The following NRG3 variants were observed in gnomAD, a reference collection of about 807,000 sequenced individuals.
The protein encoded by NRG3 is neuregulin 3.
Under a neutral mutation model 66.9 loss-of-function variants are expected in NRG3, and 31 were observed. That is an observed-to-expected ratio of 0.46 (90% confidence interval 0.35 to 0.63). NRG3 has a LOEUF of 0.63. NRG3 is among the 20% of genes least tolerant of loss of function. The probability of loss-of-function intolerance (pLI) is 0.00; values close to 1 mark genes in which losing one functional copy is unlikely to be tolerated. For missense variants in NRG3, 910 were observed against 878.9 expected (o/e 1.04, Z -0.45); for synonymous variants, 393 against 359.4 (o/e 1.09, Z -1.06).
chr10:82,974,175 A>T (rs2132594701), intron 7 of NRG3, among the ~76,000 whole-genome samples: 1 of 152,324 alleles, frequency 6.6e-6, no homozygotes, highest in South Asian at 2.1e-4. Flanking sequence ...AGTAAAAAAA[A>T]AAAATGCATT....
intron 1 of NRG3, among the ~76,000 whole-genome samples, chr10:81,950,263 T>G (rs192129413): frequency 1.1e-4 from 16 of 152,280 alleles, no homozygotes; most frequent in African/African-American, 3.8e-4. Flanking sequence ...TTGGTCTCAA[T>G]TTAGTCAAAC....
At position 82,589,671 on chromosome 10, in the gene NRG3, G is replaced by C. The variant is rs60531445; in HGVS notation, c.954-148906G>C. ...CTTTGATTTTCCCTCCCTTTGAGGG[G>C]AGGTAAATGCATAGTTCCACAAGCT... On this transcript the variant is annotated intron_variant, in intron 2 of 8. Coordinates refer to ENST00000372141, the MANE Select transcript of NRG3 (RefSeq NM_001010848.4). 4.7e-3 allele frequency among the ~76,000 whole-genome samples: 709 copies of C among 152,234 alleles called. 10 individuals carry two copies. Among genetic ancestry groups the C allele is most frequent in the African/African-American group, 0.016 (683 of 41,546 alleles).
chr10:82,074,144 AT>A (rs1336277946), intron 1 of NRG3, among the ~76,000 whole-genome samples: 1 of 151,400 alleles, frequency 6.6e-6, no homozygotes, highest in African/African-American at 2.4e-5. Flanking sequence ...GTGCTCAGAG[AT>A]GGCCAATGTG....
intron 3 of NRG3, among the ~76,000 whole-genome samples, chr10:82,744,949 G>A (rs1310655468): frequency 6.6e-6 from 1 of 152,068 alleles, no homozygotes; most frequent in Non-Finnish European, 1.5e-5. Context: ...AGTACACAGT[G>A]TACAAGGCAC....
rs982501363 is a variant in NRG3 at position 82,035,148 on chromosome 10, A to C, written c.823+158985A>C. 3.3e-5 allele frequency among the ~76,000 whole-genome samples: 5 copies of C among 152,236 alleles called. No individual in the cohort carries two copies. The East Asian group carries it at 7.8e-4, about 24-fold the overall frequency. ...GATAGACTCGCCCAGCATGCCTTCC[A>C]GAATCCAATACAGCTTCAGAATTCC... is the stretch of plus-strand genomic sequence containing the variant. On this transcript the variant is annotated intron_variant, in intron 1 of 8. Transcript: ENST00000372141.
intron 2 of NRG3, among the ~76,000 whole-genome samples, chr10:82,425,311 T>C (rs964619696): frequency 1.3e-5 from 2 of 152,160 alleles, no homozygotes; most frequent in Non-Finnish European, 2.9e-5. Flanking sequence ...TTTCTTAATT[T>C]TTTCAACAAT....
chr10:82,364,166 T>G (rs1416653443), intron 2 of NRG3, among the ~76,000 whole-genome samples: 1 of 152,174 alleles, frequency 6.6e-6, no homozygotes, highest in Non-Finnish European at 1.5e-5. Context: ...TGTCCTTGTC[T>G]CTTTAAAATC....
chr10:82,192,426 G>A (rs769422581), intron 1 of NRG3, among the ~76,000 whole-genome samples: 2 of 152,150 alleles, frequency 1.3e-5, no homozygotes, highest in Non-Finnish European at 2.9e-5. Flanking sequence ...TGGGCATAGG[G>A]TACAGATATT....
At chr10:82,552,168 T>C (rs1169168276) in intron 2 of NRG3, among the ~76,000 whole-genome samples, 3 of 152,158 alleles carry the variant, frequency 2.0e-5, no homozygotes, top group Non-Finnish European at 4.4e-5. Flanking sequence ...AATCCATATT[T>C]TTTTTTACAT....
rs186417804 is a variant in NRG3, at chr10:82,001,246, C to T, written c.823+125083C>T. Among the ~76,000 whole-genome samples the T allele has an allele frequency of 2.2e-3, 334 of 150,590 alleles. 1 individual carries two copies. The highest frequency in any genetic ancestry group is 0.011 in the Middle Eastern group (3 of 284). ...GGCTGGTCATGGTGGCTCACGCCTG[C>T]AATCCCAGCACTTTGGGAGGCCAAG... On this transcript the variant is annotated intron_variant, in intron 1 of 8. Transcript: ENST00000372141.
intron 2 of NRG3, among the ~76,000 whole-genome samples, chr10:82,684,648 C>T (rs2054368633): frequency 6.6e-6 from 1 of 152,050 alleles, no homozygotes; most frequent in South Asian, 2.1e-4. Flanking sequence ...CAGTAAAACT[C>T]TTGAATATAT....
intron 6 of NRG3, among the ~76,000 whole-genome samples, chr10:82,962,689 A>G (rs2132477511): frequency 6.6e-6 from 1 of 152,128 alleles, no homozygotes; most frequent in African/African-American, 2.4e-5. Context: ...AAATACAGAA[A>G]TTAGCCAGGC....
intron 2 of NRG3, among the ~76,000 whole-genome samples, chr10:82,532,568 T>C (rs183207444): frequency 9.7e-4 from 144 of 147,802 alleles, no homozygotes; most frequent in African/African-American, 3.3e-3. Flanking sequence ...TAGTACTATA[T>C]ATGTATATAT....
chr10:82,236,372 C>CTGCTT (rs796938555), intron 1 of NRG3, among the ~76,000 whole-genome samples: 16 of 152,266 alleles, frequency 1.1e-4, no homozygotes, highest in African/African-American at 3.6e-4. Context: ...GAGGGAAACC[C>CTGCTT]TGCTTCTCAG....
At chr10:82,134,671 A>G (rs1045727761) in intron 1 of NRG3, among the ~76,000 whole-genome samples, 3 of 152,006 alleles carry the variant, frequency 2.0e-5, no homozygotes, top group East Asian at 1.9e-4. Flanking sequence ...GCCCTGTAGT[A>G]TAGTTTGAAG....
intron 1 of NRG3, among the ~76,000 whole-genome samples, chr10:81,986,905 C>T (rs530905892): frequency 1.3e-5 from 2 of 152,216 alleles, no homozygotes; most frequent in South Asian, 4.1e-4. Context: ...TGAACTTGAA[C>T]TCCTGAACTT....
intron 4 of NRG3, among the ~76,000 whole-genome samples, chr10:82,906,742 AT>A (rs112145098): frequency 0.082 from 12,473 of 151,432 alleles, 1,082 homozygotes; most frequent in African/African-American, 0.22. Context: ...TCACACCAAC[AT>A]TTTTTTTTCA....
At chr10:82,935,673 G>C (rs1036388787) in intron 4 of NRG3, among the ~76,000 whole-genome samples, 1 of 152,036 alleles carries the variant, frequency 6.6e-6, no homozygotes, top group African/African-American at 2.4e-5. Flanking sequence ...CTGGAGTGCA[G>C]AGTGCAGTGG....
chr10:81,923,467 C>A (rs769185386), intron 1 of NRG3, among the ~76,000 whole-genome samples: 4 of 151,854 alleles, frequency 2.6e-5, no homozygotes, highest in African/African-American at 4.8e-5. Context: ...GGCCTCCCAA[C>A]GTGCTGGGAT....
Sources: gnomAD v4.1 joint callset for allele counts (sites outside exome capture counted in the v4.1 genomes callset) on GRCh38, gnomAD v4.1.1 for gene constraint, MANE v1.5 for transcripts, NCBI Gene and HGNC (gene_info 2026-07-23, HGNC 2026-07-21) for gene names.